The following CFDP1 variants were observed in gnomAD, a reference collection of about 807,000 sequenced individuals.
CFDP1 encodes chromatin remodeling protein CFDP1.
Under a neutral mutation model 40.1 loss-of-function variants are expected in CFDP1, and 31 were observed. The ratio of observed to expected loss-of-function variants is 0.77; its 90% CI spans 0.58 to 1.04. The LOEUF is 1.04. Ranked by LOEUF, CFDP1 falls within the 50% of genes least tolerant of loss-of-function variation. The pLI is 0.00. For synonymous variants in CFDP1, 167 were observed against 120.0 expected, an observed-to-expected ratio of 1.39 and a Z score of -2.56; for missense variants, 423 against 343.4, an observed-to-expected ratio of 1.23 and a Z score of -1.83.
chr16:75,417,756 T>C (rs1444822542), intron 1 of CFDP1, among the ~76,000 whole-genome samples: 3 of 152,026 alleles, frequency 2.0e-5, no homozygotes, highest in Non-Finnish European at 4.4e-5. Flanking sequence ...AAAAGATCTA[T>C]TCCCAGGACT....
At chr16:75,317,100 T>A (rs1278039753) in intron 5 of CFDP1, among the ~76,000 whole-genome samples, 1 of 152,244 alleles carries the variant, frequency 6.6e-6, no homozygotes, top group Non-Finnish European at 1.5e-5. Context: ...GACAGGCAAG[T>A]GGCGAGGGCA....
At chr16:75,405,548 G>C (rs1038527957) in intron 4 of CFDP1, among the ~76,000 whole-genome samples, 3 of 151,944 alleles carry the variant, frequency 2.0e-5, no homozygotes, top group Non-Finnish European at 4.4e-5. Context: ...AGGAGTTCCA[G>C]ACCAGCCTGA....
intron 5 of CFDP1, among the ~76,000 whole-genome samples, chr16:75,367,061 G>C (rs866769226): frequency 6.6e-6 from 1 of 151,284 alleles, no homozygotes. Flanking sequence ...CTACCTGGGA[G>C]GCTGAGGAAG....
intron 5 of CFDP1, among the ~76,000 whole-genome samples, chr16:75,318,684 G>A (rs559682213): frequency 2.6e-5 from 4 of 152,176 alleles, no homozygotes; most frequent in South Asian, 2.1e-4. Context: ...GATTACAGGC[G>A]TGAGCCACTG....
At chr16:75,385,495 A>G (rs1211394731) in intron 5 of CFDP1, among the ~76,000 whole-genome samples, 3 of 152,096 alleles carry the variant, frequency 2.0e-5, no homozygotes, top group African/African-American at 7.2e-5. Context: ...GAAAAAAATG[A>G]AAGAAGAAAA....
intron 5 of CFDP1, among the ~76,000 whole-genome samples, chr16:75,368,668 G>A (rs2151537600): frequency 6.6e-6 from 1 of 152,030 alleles, no homozygotes; most frequent in African/African-American, 2.4e-5. Flanking sequence ...ACTTTTGTGT[G>A]TAGGTCTGAT....
At chr16:75,330,232 CT>C (rs1567647579) in intron 5 of CFDP1, among the ~76,000 whole-genome samples, 1 of 152,178 alleles carries the variant, frequency 6.6e-6, no homozygotes, top group Non-Finnish European at 1.5e-5. Context: ...ATGGGCAAGG[CT>C]GTGGACTCAA....
intron 5 of CFDP1, among the ~76,000 whole-genome samples, chr16:75,350,404 A>G (rs995570832): frequency 1.3e-5 from 2 of 152,198 alleles, no homozygotes; most frequent in Admixed American, 6.5e-5. Context: ...TGCTATTTCC[A>G]TCTTTTTAAA....
intron 5 of CFDP1, among the ~76,000 whole-genome samples, chr16:75,386,120 G>A (rs889457653): frequency 5.9e-5 from 9 of 151,956 alleles, no homozygotes; most frequent in South Asian, 2.1e-4. Context: ...CATGTATCCC[G>A]GAACTTAAAG....
rs536459820 is a variant in CFDP1 at position 75,424,839 on chromosome 16, G to C, written c.64+8450C>G. ...TTCAACATCATACTGGAAGTATAAAGTACAACAAGGCAAGCAAAATAAATA... is the reference window on the plus strand; with the variant it reads ...TTCAACATCATACTGGAAGTATAAACTACAACAAGGCAAGCAAAATAAATA... On this transcript the variant is annotated intron_variant, in intron 1 of 6. Coordinates refer to ENST00000283882, the MANE Select transcript of CFDP1 (RefSeq NM_006324.3). Among the ~76,000 whole-genome samples, 6 of 151,302 alleles carry C rather than the reference G, an allele frequency of 4.0e-5. No individual in the cohort carries two copies. The South Asian group carries it at 1.3e-3, about 32-fold the overall frequency.
At chr16:75,367,463 G>A (rs1007253476) in intron 5 of CFDP1, among the ~76,000 whole-genome samples, 4 of 150,140 alleles carry the variant, frequency 2.7e-5, no homozygotes, top group Non-Finnish European at 4.4e-5. Context: ...CTAGGGATAA[G>A]GGGGCAGGGT....
At chr16:75,400,079 C>T (rs185187911) in intron 4 of CFDP1, among the ~76,000 whole-genome samples, 26 of 97,270 alleles carry the variant, frequency 2.7e-4, no homozygotes, top group Non-Finnish European at 4.8e-4. Flanking sequence ...CCAGCCTGGG[C>T]AACAAGAGCA....
At chr16:75,394,251 C>T (rs2078977940) in intron 5 of CFDP1, among the ~76,000 whole-genome samples, 1 of 152,292 alleles carries the variant, frequency 6.6e-6, no homozygotes, top group African/African-American at 2.4e-5. Context: ...CCTGTGGCAA[C>T]AGTCTTAAGC....
intron 5 of CFDP1, among the ~76,000 whole-genome samples, chr16:75,355,833 T>A (rs577829992): frequency 6.6e-6 from 1 of 152,340 alleles, no homozygotes; most frequent in Admixed American, 6.5e-5. Context: ...TCCTGAGGCT[T>A]CCCCAGCTAT....
At chr16:75,421,352 T>G (rs1465701426) in intron 1 of CFDP1, among the ~76,000 whole-genome samples, 1 of 152,180 alleles carries the variant, frequency 6.6e-6, no homozygotes, top group African/African-American at 2.4e-5. Flanking sequence ...CATCTTTAGC[T>G]AAACTATGGA....
intron 4 of CFDP1, among the ~76,000 whole-genome samples, chr16:75,399,188 A>T (rs143587967): frequency 1.3e-5 from 2 of 152,306 alleles, no homozygotes; most frequent in East Asian, 3.9e-4. Context: ...GAACCAAGAG[A>T]AATTATAATA....
intron 6 of CFDP1, among the ~76,000 whole-genome samples, chr16:75,297,025 G>C (rs557174305): frequency 4.6e-5 from 7 of 152,256 alleles, no homozygotes; most frequent in African/African-American, 1.7e-4. Flanking sequence ...CTGTAAAACA[G>C]AATAACAATT....
intron 5 of CFDP1, among the ~76,000 whole-genome samples, chr16:75,391,877 G>GA (rs2151560247): frequency 6.6e-6 from 1 of 152,050 alleles, no homozygotes; most frequent in Non-Finnish European, 1.5e-5. Flanking sequence ...GCTGAGGCAG[G>GA]GAACTGCTTG....
intron 5 of CFDP1, among the ~76,000 whole-genome samples, chr16:75,368,781 C>A (rs76893898): frequency 0.023 from 3,570 of 151,982 alleles, 78 homozygotes; most frequent in African/African-American, 0.059. Flanking sequence ...ACTACAGGCA[C>A]GTGCCACTAC....
Sources: allele counts gnomAD v4.1 joint callset (sites outside exome capture counted in the v4.1 genomes callset), GRCh38; gene constraint gnomAD v4.1.1; transcripts MANE v1.5; gene names NCBI Gene and HGNC (gene_info 2026-07-23, HGNC 2026-07-21).